The following COMTD1 variants were observed in gnomAD, a reference collection of about 807,000 sequenced individuals.
The protein encoded by COMTD1 is catechol-O-methyltransferase domain containing 1.
Under a neutral mutation model 33.6 loss-of-function variants are expected in COMTD1, and 35 were observed. The observed-to-expected ratio is 1.04, with a 90% CI of 0.80 to 1.38. The LOEUF is 1.38. Ranked by LOEUF, COMTD1 falls within the 40% of genes most tolerant of loss-of-function variation. COMTD1 has a pLI of 0.00. For synonymous variants in COMTD1, 160 were observed against 176.8 expected (o/e 0.91, Z 0.75); for missense variants, 370 against 363.4 (o/e 1.02, Z -0.15).
In COMTD1 at chr10:75,234,918, C is replaced by T; in HGVS notation, c.502+20G>A. 6.5e-7 allele frequency: 1 copy of T among 1,534,254 alleles called. No homozygotes were observed. The highest frequency in any genetic ancestry group is 8.8e-7 in the Non-Finnish European group (1 of 1,141,782). On this transcript the variant is annotated intron_variant, in intron 5 of 6. Coordinates refer to ENST00000372538, the MANE Select transcript of COMTD1 (RefSeq NM_144589.4). ...GTTTGCAATGAATGGCTTCAAAGCC[C>T]TTCCCGCTTCGGTGCTCACCCAGGG...
In COMTD1 at chr10:75,234,699, C is replaced by T. The variant is rs924587015; in HGVS notation, c.547G>A (p.Val183Met). 2 of 1,591,958 alleles carry T rather than the reference C, an allele frequency of 1.3e-6. No homozygotes were observed. Among genetic ancestry groups the T allele is most frequent in the African/African-American group, 1.4e-5 (1 of 74,014 alleles). The change falls in exon 6 of 7, where the codon GTG (valine) becomes ATG (methionine). Residue 183 changes from valine to methionine, a missense_variant. Val to Met is a conservative substitution (Grantham distance 21). Transcript: ENST00000372538. Reference protein sequence around the residue: ...AGEAGTFDVAVVDADKENCSA... With the variant: ...AGEAGTFDVAMVDADKENCSA... ...CAGTTCTCCTTGTCCGCATCCACCA[C>T]GGCCACGTCGAAGGTGCCGGCCTCG...
At position 75,235,366 on chromosome 10, in the gene COMTD1, G is replaced by C; in HGVS notation, c.229C>G (p.Leu77Val). Reference sequence around the variant, plus strand: ...ATAGAATCCCCCTGCGGCTGCTCCAGGGTCAGCTGCGTGAAAGGAGAGGGT... The same window carrying C: ...ATAGAATCCCCCTGCGGCTGCTCCACGGTCAGCTGCGTGAAAGGAGAGGGT... Reference protein sequence around the residue: ...PALRSLRLLTLEQPQGDSMMT... With the variant: ...PALRSLRLLTVEQPQGDSMMT... Residue 77 changes from leucine to valine, a missense_variant, in exon 3 of 7, where the codon CTG becomes GTG. Leu to Val is a conservative substitution (Grantham distance 32). Coordinates refer to ENST00000372538, the MANE Select transcript of COMTD1 (RefSeq NM_144589.4). 3 of 1,567,152 alleles carry C rather than the reference G, an allele frequency of 1.9e-6. No individual in the cohort carries two copies. The highest frequency in any genetic ancestry group is 2.6e-6 in the Non-Finnish European group (3 of 1,159,804).
chr10:75,235,201 C>A, intron 3 of COMTD1, 23 bp from the exon 4 acceptor site: 12 of 1,445,400 alleles, frequency 8.3e-6, no homozygotes, highest in Admixed American at 2.6e-5. Flanking sequence ...CACAGACGGG[C>A]TCAGCCCAGA....
At chr10:75,234,436 C>CT in intron 6 of COMTD1, 174 bp downstream of exon 6, 2 of 1,155,382 alleles carry the variant, frequency 1.7e-6, no homozygotes, top group Admixed American at 5.7e-5. Context: ...GTGACCAGAG[C>CT]TGGAGACAGA....
At chr10:75,234,791 G>A (rs1356289944) in intron 5 of COMTD1, 48 bp from the exon 6 acceptor site, 3 of 1,538,786 alleles carry the variant, frequency 1.9e-6, no homozygotes, top group Non-Finnish European at 2.6e-6. Context: ...CGGCCCCGGC[G>A]GCCCTGAGGC....
At position 75,234,004 on chromosome 10, in the gene COMTD1, TA is replaced by T. The variant is rs778022122; in HGVS notation, c.*68del. 3.1e-6 allele frequency: 5 copies of T among 1,611,496 alleles called. No individual in the cohort carries two copies. Among genetic ancestry groups the T allele is most frequent in the Non-Finnish European group, 4.2e-6 (5 of 1,179,684 alleles). On this transcript the variant is annotated 3_prime_UTR_variant, in exon 7 of 7. Coordinates refer to ENST00000372538, the MANE Select transcript of COMTD1 (RefSeq NM_144589.4). ...CCCAGCCCCACTTTATTTTCGAATT[TA>T]AAACTCAGGGTCAATTCCTGGGGTT...
Position 75,234,075 on chromosome 10 carries a change from A to G in COMTD1, c.787T>C (p.Ter263GlnextTer19). Residue 263 changes from the stop codon to glutamine, a stop_lost, in exon 7 of 7, where the codon TAG (stop) becomes CAG (glutamine). Coordinates refer to ENST00000372538, the MANE Select transcript of COMTD1 (RefSeq NM_144589.4). ...GDGLTLAFKI[*>Q] ...AGCCCACTCACTAGGGGCCAGCCCT[A>G]GATCTTGAAGGCCAAGGTGAGTCCA... The G allele has an allele frequency of 6.2e-7, 1 of 1,614,008 alleles. No homozygotes were observed. The highest frequency in any genetic ancestry group is 1.1e-5 in the South Asian group (1 of 91,090).
chr10:75,234,722 T>C lies in COMTD1; in HGVS notation c.524A>G (p.Glu175Gly). 1 of 1,590,392 alleles carries C rather than the reference T, an allele frequency of 6.3e-7. No homozygotes were observed. Among genetic ancestry groups the C allele is most frequent in the Non-Finnish European group, 8.5e-7 (1 of 1,170,364 alleles). ...CACGGCCACGTCGAAGGTGCCGGCC[T>C]CGCCCGCCGCCAGCAGCTCGTCTTG... is the stretch of plus-strand genomic sequence containing the variant. ...ETLDELLAAGEAGTFDVAVVD... is the reference protein window; with the variant it reads ...ETLDELLAAGGAGTFDVAVVD... Residue 175 changes from glutamate (E) to glycine (G), a missense_variant, in exon 6 of 7, where the codon GAG (glutamate) becomes GGG (glycine). Coordinates refer to ENST00000372538, the MANE Select transcript of COMTD1 (RefSeq NM_144589.4).
chr10:75,234,954 G>C lies in COMTD1; in HGVS notation c.486C>G (p.Pro162=). The C allele has an allele frequency of 1.3e-6, 2 of 1,527,216 alleles. No individual in the cohort carries two copies. Among genetic ancestry groups the C allele is most frequent in the Non-Finnish European group, 1.8e-6 (2 of 1,139,728 alleles). 94.6% of individuals were successfully genotyped at this position (1,527,216 alleles called of 1,614,324 possible). A position where few individuals can be genotyped will look rare whatever the true frequency, so the allele number is the denominator to read the frequency against. ...GGTGCTCACCCAGGGTCTCCAAGGC[G>C]GGCTTCAGCCGGAGGTCGATCTTGT... ...AEHKIDLRLK[P]ALETLDELLA... Residue 162 remains proline (P), a synonymous_variant, in exon 5 of 7, where the codon CCC becomes CCG. Coordinates refer to ENST00000372538, the MANE Select transcript of COMTD1 (RefSeq NM_144589.4).
intron 2 of COMTD1, 57 bp from the exon 3 acceptor site, chr10:75,235,429 G>A: frequency 7.2e-7 from 1 of 1,395,696 alleles, no homozygotes; most frequent in African/African-American, 1.5e-5. Flanking sequence ...TCGCCCTGGG[G>A]GTCCCAAGCC....
At position 75,234,597 on chromosome 10, in the gene COMTD1, G is replaced by C. The variant is rs1291307015; in HGVS notation, c.636+13C>G. 1.9e-6 allele frequency: 3 copies of C among 1,553,156 alleles called. No homozygotes were observed. The East Asian group carries it at 7.3e-5, about 38-fold the overall frequency. ...ACAGGGTGCTTTCTCCTCCCCCGCA[G>C]TGGATCCCTTACTCTGAGGACGGCG... On this transcript the variant is annotated intron_variant, in intron 6 of 6. Coordinates refer to ENST00000372538, the MANE Select transcript of COMTD1 (RefSeq NM_144589.4).
At position 75,234,665 on chromosome 10, in the gene COMTD1, T is replaced by C; in HGVS notation, c.581A>G (p.Tyr194Cys). The stretch of plus-strand genomic sequence containing the variant: ...CAGCAGCTGCAGGCAGCGCTCGTAG[T>C]AGGCGGAGCAGTTCTCCTTGTCCGC... ...VDADKENCSAYYERCLQLLRP... is the reference protein window; with the variant it reads ...VDADKENCSACYERCLQLLRP... Residue 194 changes from tyrosine to cysteine, a missense_variant, in exon 6 of 7, where the codon TAC becomes TGC. Physicochemically the swap from Tyr to Cys is radical, Grantham distance 194 (BLOSUM62 -2). Coordinates refer to ENST00000372538, the MANE Select transcript of COMTD1 (RefSeq NM_144589.4). The C allele has an allele frequency of 3.8e-6, 6 of 1,580,046 alleles. No individual in the cohort carries two copies. The highest frequency in any genetic ancestry group is 5.2e-6 in the Non-Finnish European group (6 of 1,163,490).
Position 75,234,986 on chromosome 10 carries a change from C to T in COMTD1, c.454G>A (p.Ala152Thr), listed in dbSNP as rs1349540545. Residue 152 changes from alanine to threonine, a missense_variant, in exon 5 of 7, where the codon GCG (alanine) becomes ACG (threonine). Ala to Thr is a moderately conservative substitution (Grantham distance 58). Coordinates refer to ENST00000372538, the MANE Select transcript of COMTD1 (RefSeq NM_144589.4). ...LGRPLWRQAE[A>T]EHKIDLRLKP... Reference sequence around the variant, plus strand: ...AGCCGGAGGTCGATCTTGTGCTCCGCCTCGGCCTGCGGAGGGAGCGGGTCA... The same window carrying T: ...AGCCGGAGGTCGATCTTGTGCTCCGTCTCGGCCTGCGGAGGGAGCGGGTCA... 3 of 1,515,986 alleles carry T rather than the reference C, an allele frequency of 2.0e-6. No individual in the cohort carries two copies. The African/African-American group carries it at 4.4e-5, about 22-fold the overall frequency. The allele number at this position is 1,515,986 out of a possible 1,614,324, so 93.9% of individuals were successfully genotyped here.
intron 1 of COMTD1, 38 bp downstream of exon 1, chr10:75,235,797 G>GGGCCCC: frequency 1.9e-6 from 3 of 1,538,604 alleles, no homozygotes; most frequent in Non-Finnish European, 2.6e-6. Context: ...CCTACTCTGC[G>GGGCCCC]CCCGCCCACC....
Position 75,233,838 on chromosome 10 carries a change from C to T in COMTD1, c.*235G>A, listed in dbSNP as rs1379559481. ...ACCTGCCTCCTGCCAGCTGGAGGTT[C>T]CTGCAGTTGGGCCACAGACCTGGCG... On this transcript the variant is annotated 3_prime_UTR_variant, in exon 7 of 7. Transcript: ENST00000372538. The T allele has an allele frequency of 9.3e-6, 10 of 1,070,606 alleles. No homozygotes were observed. Among genetic ancestry groups the T allele is most frequent in the Non-Finnish European group, 1.2e-5 (9 of 774,532 alleles). 66.3% of individuals were successfully genotyped at this position (1,070,606 alleles called of 1,614,324 possible).
In COMTD1 at chr10:75,235,616, C is replaced by T; in HGVS notation, c.222G>A (p.Leu74=). ...REHPALRSLR[L]LTLEQPQGDS... ...CGTTTCCGTCCCGCGCCCTGCTGAC[C>T]AGCCTCAGGCTTCGCAGCGCCGGGT... The change falls in exon 2 of 7, where the codon CTG becomes CTA. Residue 74 remains leucine, a splice_region_variant and synonymous_variant. Transcript: ENST00000372538. The T allele has an allele frequency of 6.3e-7, 1 of 1,587,096 alleles. No individual in the cohort carries two copies. The highest frequency in any genetic ancestry group is 1.3e-5 in the African/African-American group (1 of 74,094).
rs1054321 is a variant in COMTD1 at position 75,234,127 on chromosome 10, G to A, written c.735C>T (p.Val245=). The change falls in exon 7 of 7, where the codon GTC becomes GTT. Residue 245 remains valine (V), a synonymous_variant. Transcript: ENST00000372538. ...CGCCCAGGGGCAGGAGGCTGATGTA[G>A]ACCCTGACGTCCCGCCGGATGCGTT... ...LNERIRRDVR[V]YISLLPLGDG... 1 of 1,613,916 alleles carries A rather than the reference G, an allele frequency of 6.2e-7. No homozygotes were observed. The highest frequency in any genetic ancestry group is 8.5e-7 in the Non-Finnish European group (1 of 1,180,040).
rs763679650 is a variant in COMTD1, at chr10:75,234,688, C to T, written c.558G>A (p.Ala186=). The T allele has an allele frequency of 1.1e-5, 18 of 1,590,108 alleles. 1 individual carries two copies. In the South Asian group the frequency reaches 2.0e-4, roughly 18 times the overall value. The change falls in exon 6 of 7, where the codon GCG becomes GCA. Residue 186 remains alanine (A), a synonymous_variant. Coordinates refer to ENST00000372538, the MANE Select transcript of COMTD1 (RefSeq NM_144589.4). ...AGTFDVAVVD[A]DKENCSAYYE... ...AGTAGGCGGAGCAGTTCTCCTTGTC[C>T]GCATCCACCACGGCCACGTCGAAGG...
Position 75,233,889 on chromosome 10 carries a change from C to T in COMTD1, c.*184G>A. ...CCAGGGAGGGGACGAATCTCAAGGCCCCTTTCACTGAAGGCAGGAGCTGTC... is the reference window on the plus strand; with the variant it reads ...CCAGGGAGGGGACGAATCTCAAGGCTCCTTTCACTGAAGGCAGGAGCTGTC... On this transcript the variant is annotated 3_prime_UTR_variant, in exon 7 of 7. Transcript: ENST00000372538. 7.0e-7 allele frequency: 1 copy of T among 1,424,028 alleles called. No individual in the cohort carries two copies. Among genetic ancestry groups the T allele is most frequent in the Non-Finnish European group, 9.2e-7 (1 of 1,083,378 alleles). 88.2% of individuals were successfully genotyped at this position (1,424,028 alleles called of 1,614,324 possible). A position where few individuals can be genotyped will look rare whatever the true frequency, so the allele number is the denominator to read the frequency against.
Sources: gnomAD v4.1 joint callset for allele counts on GRCh38, gnomAD v4.1.1 for gene constraint, MANE v1.5 for transcripts, NCBI Gene and HGNC (gene_info 2026-07-23, HGNC 2026-07-21) for gene names.